Variants in RABEP2 observed in about 807,000 individuals in gnomAD.
RABEP2 encodes the protein rabaptin, RAB GTPase binding effector protein 2.
Under a neutral mutation model 74.1 loss-of-function variants are expected in RABEP2, and 57 were observed. The observed-to-expected ratio is 0.77, with a 90% CI of 0.62 to 0.96. The LOEUF is 0.96. Among genes scored for constraint, RABEP2 ranks in the 40% least tolerant of loss-of-function variants. The pLI is 0.00. For synonymous variants in RABEP2, 351 were observed against 344.0 expected (o/e 1.02, Z -0.23); for missense variants, 692 against 756.3 (o/e 0.91, Z 1.00).
intron 1 of RABEP2, 30 bp downstream of exon 1, chr16:28,925,073 C>T: frequency 6.5e-7 from 1 of 1,550,098 alleles, no homozygotes; most frequent in Non-Finnish European, 8.7e-7. Flanking sequence ...CATCACCGTT[C>T]CCCGCTTGCA....
At chr16:28,924,658 C>G in intron 1 of RABEP2, 43 bp from the exon 2 acceptor site, 3 of 1,560,668 alleles carry the variant, frequency 1.9e-6, no homozygotes, top group Non-Finnish European at 2.6e-6. Flanking sequence ...TCTCTTACCC[C>G]AGGCCACCTA....
At chr16:28,918,302 G>A (rs960964362) in intron 3 of RABEP2, among the ~76,000 whole-genome samples, 1 of 152,014 alleles carries the variant, frequency 6.6e-6, no homozygotes, top group Non-Finnish European at 1.5e-5. Flanking sequence ...ACATATCATA[G>A]AGATTAAGAA....
At chr16:28,907,162 GTT>G (rs58982936) in intron 8 of RABEP2, among the ~76,000 whole-genome samples, 8 of 127,946 alleles carry the variant, frequency 6.3e-5, no homozygotes, top group Admixed American at 1.7e-4. Flanking sequence ...TTTTGCCTTT[GTT>G]TTTTTTTTTT....
intron 5 of RABEP2, among the ~76,000 whole-genome samples, chr16:28,913,259 G>T (rs184727888): frequency 6.6e-6 from 1 of 151,636 alleles, no homozygotes; most frequent in Non-Finnish European, 1.5e-5. Context: ...ACTTCCTCAC[G>T]CCATCTGGGT....
intron 11 of RABEP2, 69 bp from the exon 12 acceptor site, chr16:28,905,582 A>C: frequency 6.5e-7 from 1 of 1,528,108 alleles, no homozygotes; most frequent in South Asian, 1.1e-5. Flanking sequence ...GTGCATGGCC[A>C]GCCGTTGCCC....
At position 28,906,094 on chromosome 16, in the gene RABEP2, G is replaced by T. The variant is rs748360667; in HGVS notation, c.1348C>A (p.Arg450=). The T allele has an allele frequency of 7.5e-6, 12 of 1,595,954 alleles. No individual in the cohort carries two copies. The highest frequency in any genetic ancestry group is 1.0e-5 in the Non-Finnish European group (12 of 1,172,266). ...ACTGTCTCCTCCTCCAGAGCCTCCCGCAGCGTCACGATCTCGATCCGCAGG... is the reference window on the plus strand; with the variant it reads ...ACTGTCTCCTCCTCCAGAGCCTCCCTCAGCGTCACGATCTCGATCCGCAGG... The part of the protein sequence containing the change: ...ERLRIEIVTL[R]EALEEETVAR... Residue 450 remains arginine (R), a synonymous_variant, in exon 9 of 13, where the codon CGG becomes AGG. Coordinates refer to ENST00000358201, the MANE Select transcript of RABEP2 (RefSeq NM_024816.3).
chr16:28,909,760 T>G (rs1344256920), intron 7 of RABEP2, among the ~76,000 whole-genome samples: 2 of 150,618 alleles, frequency 1.3e-5, no homozygotes, highest in African/African-American at 4.9e-5. Context: ...CTCAGTGGCT[T>G]ACGCCTGTAA....
At chr16:28,922,273 G>A (rs538874018) in intron 2 of RABEP2, among the ~76,000 whole-genome samples, 18 of 152,288 alleles carry the variant, frequency 1.2e-4, no homozygotes, top group African/African-American at 4.3e-4. Context: ...ACCTATTATT[G>A]TGCACTAACA....
chr16:28,909,475 G>C (rs147532486), intron 7 of RABEP2, among the ~76,000 whole-genome samples: 112 of 152,286 alleles, frequency 7.4e-4, no homozygotes, highest in African/African-American at 2.6e-3. Context: ...CTATGGGGGA[G>C]GCCAAGGTGG....
At chr16:28,911,685 T>C (rs1567496792) in intron 5 of RABEP2, among the ~76,000 whole-genome samples, 1 of 145,936 alleles carries the variant, frequency 6.9e-6, no homozygotes, top group Non-Finnish European at 1.5e-5. Flanking sequence ...GGGCCAGGCA[T>C]GGTGGCTCAT....
In RABEP2 at chr16:28,925,091, C is replaced by G. The variant is rs1364860061; in HGVS notation, c.61+12G>C. 1 of 1,548,696 alleles carries G rather than the reference C, an allele frequency of 6.5e-7. No individual in the cohort carries two copies. The highest frequency in any genetic ancestry group is 8.7e-7 in the Non-Finnish European group (1 of 1,155,230). On this transcript the variant is annotated intron_variant, in intron 1 of 12. Coordinates refer to ENST00000358201, the MANE Select transcript of RABEP2 (RefSeq NM_024816.3). ...CACCGTTCCCCGCTTGCACGGACGC[C>G]CCCTCACGTACCAGCCCCCGGCCGC...
intron 2 of RABEP2, chr16:28,921,210 G>A (rs1230770423): frequency 6.6e-6 from 3 of 455,808 alleles, no homozygotes; most frequent in Admixed American, 4.7e-5. Context: ...CTCTGAGCTG[G>A]GCTCTGGAAA....
chr16:28,918,745 TG>T, intron 3 of RABEP2, among the ~76,000 whole-genome samples: 1 of 152,056 alleles, frequency 6.6e-6, no homozygotes, highest in African/African-American at 2.4e-5. Flanking sequence ...GCTTGATTTC[TG>T]GCTCAAGTGA....
At position 28,905,832 on chromosome 16, in the gene RABEP2, G is replaced by A. The variant is rs753684120; in HGVS notation, c.1435+35C>T. On this transcript the variant is annotated intron_variant, in intron 10 of 12. Transcript: ENST00000358201. Reference sequence around the variant, plus strand: ...TTCCCCACCTAGCCCAGCCAGGGTGGGCGATCCCCAAGATCACCTCCAGCA... The same window carrying A: ...TTCCCCACCTAGCCCAGCCAGGGTGAGCGATCCCCAAGATCACCTCCAGCA... 8 of 1,613,968 alleles carry A rather than the reference G, an allele frequency of 5.0e-6. No individual in the cohort carries two copies. In the South Asian group the frequency reaches 8.8e-5, roughly 18 times the overall value.
At chr16:28,916,443 G>A (rs181566053) in intron 3 of RABEP2, among the ~76,000 whole-genome samples, 25 of 151,940 alleles carry the variant, frequency 1.6e-4, no homozygotes, top group East Asian at 1.6e-3. Context: ...AGGCCAAGGC[G>A]GGCAGATCAC....
rs373791000 is a variant in RABEP2 at position 28,905,418 on chromosome 16, C to A, written c.1587G>T (p.Val529=). ...ETSEQVQRDF[V]RLSQALQVRL... Reference sequence around the variant, plus strand: ...ATACCTGCAGGGCCTGGGACAGTCGCACGAAATCCCTCTGCACCTGCTCAC... The same window carrying A: ...ATACCTGCAGGGCCTGGGACAGTCGAACGAAATCCCTCTGCACCTGCTCAC... Residue 529 remains valine (V), a synonymous_variant, in exon 12 of 13, where the codon GTG becomes GTT. Coordinates refer to ENST00000358201, the MANE Select transcript of RABEP2 (RefSeq NM_024816.3). 3 of 1,606,634 alleles carry A rather than the reference C, an allele frequency of 1.9e-6. No individual in the cohort carries two copies. Among genetic ancestry groups the A allele is most frequent in the African/African-American group, 2.7e-5 (2 of 74,872 alleles).
In RABEP2 at chr16:28,904,881, T is replaced by G. The variant is rs1009632121; in HGVS notation, c.*62A>C. ...CCATCCAAGACCCCAGAGCGAGGCC[T>G]CATGGTTCAGGAGTGGGGAAAGGCG... On this transcript the variant is annotated 3_prime_UTR_variant, in exon 13 of 13. Coordinates refer to ENST00000358201, the MANE Select transcript of RABEP2 (RefSeq NM_024816.3). 3 of 1,291,974 alleles carry G rather than the reference T, an allele frequency of 2.3e-6. No homozygotes were observed. The highest frequency in any genetic ancestry group is 3.3e-6 in the Non-Finnish European group (3 of 908,054). The allele number at this position is 1,291,974 out of a possible 1,614,324, so 80.0% of individuals were successfully genotyped here. A position where few individuals can be genotyped will look rare whatever the true frequency, so the allele number is the denominator to read the frequency against.
Position 28,924,632 on chromosome 16 carries a change from T to TCAGC in RABEP2, c.62-21_62-18dup. On this transcript the variant is annotated splice_polypyrimidine_tract_variant and intron_variant, in intron 1 of 12. Transcript: ENST00000358201. ...CCTCCAGTGCTGTGGGGGACAGGGA[T>TCAGC]CAGCCTCTCTTCCCATCTCTTACCC... The TCAGC allele has an allele frequency of 6.2e-7, 1 of 1,601,122 alleles. No individual in the cohort carries two copies. The highest frequency in any genetic ancestry group is 8.5e-7 in the Non-Finnish European group (1 of 1,175,828).
intron 8 of RABEP2, 122 bp from the exon 9 acceptor site, chr16:28,906,318 T>C: frequency 7.5e-7 from 1 of 1,334,114 alleles, no homozygotes; most frequent in Non-Finnish European, 9.9e-7. Flanking sequence ...AGCAAAGGGC[T>C]AAAGTGGGGA....
Sources: gnomAD v4.1 joint callset for allele counts (sites outside exome capture counted in the v4.1 genomes callset) on GRCh38, gnomAD v4.1.1 for gene constraint, MANE v1.5 for transcripts, NCBI Gene and HGNC (gene_info 2026-07-23, HGNC 2026-07-21) for gene names.